Variants in NRXN3 observed in about 807,000 individuals in gnomAD.
The protein encoded by NRXN3 is neurexin 3.
In NRXN3, 32 loss-of-function variants were observed where a neutral mutation model predicts 137.6. The observed-to-expected ratio is 0.23, with a 90% CI of 0.18 to 0.31. The LOEUF (loss-of-function observed/expected upper bound fraction) is 0.31, where lower values mean the gene tolerates loss of function less well. Ranked by LOEUF, NRXN3 falls within the 10% of genes least tolerant of loss-of-function variation. The probability of loss-of-function intolerance (pLI) is 1.00; values close to 1 mark genes in which losing one functional copy is unlikely to be tolerated. For synonymous variants in NRXN3, 798 were observed against 784.5 expected (o/e 1.02, Z -0.29); for missense variants, 1,574 against 2,062.5 (o/e 0.76, Z 4.59).
chr14:79,148,053 T>G (rs377592427), intron 15 of NRXN3, among the ~76,000 whole-genome samples: 20 of 152,236 alleles, frequency 1.3e-4, no homozygotes, highest in Middle Eastern at 3.4e-3. Flanking sequence ...GTATAAAAAT[T>G]CATGTATTCT....
intron 4 of NRXN3, among the ~76,000 whole-genome samples, chr14:78,622,902 C>A (rs10145600): frequency 0.13 from 19,923 of 152,174 alleles, 2,292 homozygotes; most frequent in African/African-American, 0.31. Context: ...ACTTATTTTG[C>A]TTTAAGACTT....
At chr14:78,215,537 G>T (rs1038159291) in intron 1 of NRXN3, among the ~76,000 whole-genome samples, 2 of 152,094 alleles carry the variant, frequency 1.3e-5, no homozygotes, top group Admixed American at 6.5e-5. Flanking sequence ...ATCCCAGAAA[G>T]AACTTTCTGG....
intron 17 of NRXN3, among the ~76,000 whole-genome samples, chr14:79,681,660 G>A (rs1331124310): frequency 6.6e-6 from 1 of 151,982 alleles, no homozygotes; most frequent in African/African-American, 2.4e-5. Flanking sequence ...AGAACCCCAA[G>A]GGTGAAAAGA....
At chr14:79,544,086 A>T (rs2097297742) in intron 16 of NRXN3, among the ~76,000 whole-genome samples, 1 of 151,984 alleles carries the variant, frequency 6.6e-6, no homozygotes, top group Non-Finnish European at 1.5e-5. Flanking sequence ...TTAGGCAAAA[A>T]ATAAAAATAA....
At chr14:78,861,900 T>C (rs2099073383) in intron 10 of NRXN3, among the ~76,000 whole-genome samples, 2 of 152,170 alleles carry the variant, frequency 1.3e-5, no homozygotes, top group South Asian at 2.1e-4. Context: ...CTTCTCCATC[T>C]GTAAAGCCAG....
At chr14:78,401,221 A>G (rs1038118363) in intron 4 of NRXN3, among the ~76,000 whole-genome samples, 2 of 152,008 alleles carry the variant, frequency 1.3e-5, no homozygotes, top group East Asian at 1.9e-4. Flanking sequence ...CTGGAGTGCA[A>G]TAGCGTGATC....
intron 15 of NRXN3, among the ~76,000 whole-genome samples, chr14:79,063,255 G>A (rs2099676467): frequency 6.6e-6 from 1 of 152,062 alleles, no homozygotes; most frequent in Non-Finnish European, 1.5e-5. Context: ...GGCAAGCAAG[G>A]AATTGACAGT....
intron 15 of NRXN3, among the ~76,000 whole-genome samples, chr14:79,276,834 A>G (rs917944394): frequency 7.9e-5 from 12 of 152,330 alleles, no homozygotes; most frequent in African/African-American, 2.9e-4. Flanking sequence ...AATTAATGGC[A>G]TAAGGAAAAT....
intron 15 of NRXN3, among the ~76,000 whole-genome samples, chr14:79,041,022 A>G (rs2152531729): frequency 6.6e-6 from 1 of 152,168 alleles, no homozygotes; most frequent in South Asian, 2.1e-4. Flanking sequence ...TCAGCCAAGG[A>G]CCCACCCTAA....
At chr14:78,936,276 C>G (rs1296218852) in intron 10 of NRXN3, among the ~76,000 whole-genome samples, 4 of 152,276 alleles carry the variant, frequency 2.6e-5, no homozygotes, top group Non-Finnish European at 5.9e-5. Context: ...AGAAGTTATG[C>G]ACATGGGCCC....
chr14:79,239,221 A>G (rs1285498631), intron 15 of NRXN3, among the ~76,000 whole-genome samples: 1 of 152,200 alleles, frequency 6.6e-6, no homozygotes, highest in Non-Finnish European at 1.5e-5. Flanking sequence ...AATGTATTAT[A>G]GTCTCCCTCT....
chr14:79,636,674 G>A (rs1354636363), intron 16 of NRXN3, among the ~76,000 whole-genome samples: 1 of 152,170 alleles, frequency 6.6e-6, no homozygotes, highest in Non-Finnish European at 1.5e-5. Flanking sequence ...CCCCAGGGAA[G>A]CATTATCACT....
chr14:79,450,865 CAA>C (rs778114303), intron 15 of NRXN3, among the ~76,000 whole-genome samples: 1 of 118,574 alleles, frequency 8.4e-6, no homozygotes, highest in Non-Finnish European at 1.8e-5. Context: ...GACTCTGTCT[CAA>C]AAAAAAAAAA....
chr14:78,885,542 C>G (rs1380556270), intron 10 of NRXN3, among the ~76,000 whole-genome samples: 1 of 152,070 alleles, frequency 6.6e-6, no homozygotes, highest in African/African-American at 2.4e-5. Flanking sequence ...TTTGACCACC[C>G]TACCTGTAGT....
At chr14:79,268,021 T>C (rs532580914) in intron 15 of NRXN3, among the ~76,000 whole-genome samples, 2 of 152,360 alleles carry the variant, frequency 1.3e-5, no homozygotes, top group South Asian at 4.1e-4. Context: ...TGCTACCTTT[T>C]TCCAGCTTAT....
chr14:79,217,741 T>C (rs2153230606), intron 15 of NRXN3, among the ~76,000 whole-genome samples: 1 of 152,280 alleles, frequency 6.6e-6, no homozygotes, highest in South Asian at 2.1e-4. Context: ...CCAGAAACAC[T>C]GATTTAACTG....
chr14:78,890,455 T>G (rs1189819987), intron 10 of NRXN3, among the ~76,000 whole-genome samples: 1 of 151,842 alleles, frequency 6.6e-6, no homozygotes, highest in Non-Finnish European at 1.5e-5. Context: ...ATGCAAAGGT[T>G]TAACTGTAGG....
At chr14:78,666,084 A>C (rs1176280538) in intron 6 of NRXN3, among the ~76,000 whole-genome samples, 1 of 152,106 alleles carries the variant, frequency 6.6e-6, no homozygotes, top group Non-Finnish European at 1.5e-5. Context: ...GTATATATCT[A>C]TATATTTTTT....
chr14:78,582,989 G>A (rs1741373545), intron 4 of NRXN3, among the ~76,000 whole-genome samples: 1 of 152,078 alleles, frequency 6.6e-6, no homozygotes, highest in African/African-American at 2.4e-5. Flanking sequence ...CTTTATAAAT[G>A]GAATTGGCTG....
Sources: allele counts gnomAD v4.1 joint callset (sites outside exome capture counted in the v4.1 genomes callset), GRCh38; gene constraint gnomAD v4.1.1; transcripts MANE v1.5; gene names NCBI Gene and HGNC (gene_info 2026-07-23, HGNC 2026-07-21).